KAZN: variants seen among roughly 807,000 people sequenced by gnomAD.
The protein encoded by KAZN is kazrin, periplakin interacting protein.
KAZN carries 40 observed loss-of-function variants against 87.4 expected under a neutral mutation model. The observed-to-expected ratio is 0.46, with a 90% CI of 0.36 to 0.60. The LOEUF (loss-of-function observed/expected upper bound fraction) is 0.60. Ranked by LOEUF, KAZN falls within the 20% of genes least tolerant of loss-of-function variation. The pLI, the probability that KAZN is intolerant of heterozygous loss-of-function variation, is 0.00. For missense variants in KAZN, 898 were observed against 1,073.9 expected (o/e 0.84, Z 2.29); for synonymous variants, 466 against 458.3 (o/e 1.02, Z -0.22).
At chr1:14,766,962 G>T (rs1419583574) in intron 1 of KAZN, among the ~76,000 whole-genome samples, 4 of 152,032 alleles carry the variant, frequency 2.6e-5, no homozygotes, top group African/African-American at 9.7e-5. Context: ...AATAAGGGCT[G>T]GAGGGACCAA....
intron 2 of KAZN, among the ~76,000 whole-genome samples, chr1:14,199,766 G>A (rs1365875749): frequency 6.6e-6 from 1 of 152,154 alleles, no homozygotes; most frequent in Non-Finnish European, 1.5e-5. Context: ...CAGAAATTAA[G>A]GCTTCTAATG....
intron 1 of KAZN, among the ~76,000 whole-genome samples, chr1:14,912,782 A>C (rs541209186): frequency 6.6e-6 from 1 of 152,292 alleles, no homozygotes; most frequent in South Asian, 2.1e-4. Context: ...AAATTTTTTT[A>C]CTGGAGTACT....
intron 5 of KAZN, among the ~76,000 whole-genome samples, chr1:15,059,758 AGGT>A (rs1192123753): frequency 6.6e-6 from 1 of 152,194 alleles, no homozygotes; most frequent in Non-Finnish European, 1.5e-5. Flanking sequence ...AGGAATGTCC[AGGT>A]GGTGGGAGCA....
At chr1:14,984,488 GTGGATTGGAGT>G (rs1437036033) in intron 2 of KAZN, among the ~76,000 whole-genome samples, 11 of 152,350 alleles carry the variant, frequency 7.2e-5, no homozygotes, top group African/African-American at 2.6e-4. Context: ...GGGGAAGGCG[GTGGATTGGAGT>G]TGGGGCCATC....
chr1:14,342,080 G>C (rs773747569), intron 2 of KAZN, among the ~76,000 whole-genome samples: 1 of 152,154 alleles, frequency 6.6e-6, no homozygotes, highest in African/African-American at 2.4e-5. Flanking sequence ...AGAACATGTG[G>C]TATTTGGTTT....
intron 1 of KAZN, among the ~76,000 whole-genome samples, chr1:14,080,060 A>G (rs1643612262): frequency 1.3e-5 from 2 of 150,900 alleles, no homozygotes; most frequent in African/African-American, 2.4e-5. Flanking sequence ...GTCTCAACAG[A>G]TGAATTTTGG....
intron 2 of KAZN, among the ~76,000 whole-genome samples, chr1:14,333,348 C>A (rs888711953): frequency 6.6e-6 from 1 of 152,166 alleles, no homozygotes; most frequent in South Asian, 2.1e-4. Flanking sequence ...AGTGAACATG[C>A]ATATACATGT....
chr1:14,207,111 G>A (rs757020041), intron 2 of KAZN, among the ~76,000 whole-genome samples: 31 of 151,874 alleles, frequency 2.0e-4, no homozygotes, highest in African/African-American at 7.5e-4. Flanking sequence ...TTACAGGCAC[G>A]TGGCATCATA....
chr1:14,421,050 A>C (rs1001419521), intron 2 of KAZN, among the ~76,000 whole-genome samples: 4 of 152,208 alleles, frequency 2.6e-5, no homozygotes, highest in Non-Finnish European at 4.4e-5. Flanking sequence ...AGGCGTGGAG[A>C]GCGAGAGAGG....
chr1:14,421,661 G>A (rs1451645641), intron 2 of KAZN, among the ~76,000 whole-genome samples: 2 of 152,100 alleles, frequency 1.3e-5, no homozygotes, highest in African/African-American at 2.4e-5. Flanking sequence ...AAAATTCTGG[G>A]TTAAATACTG....
intron 2 of KAZN, among the ~76,000 whole-genome samples, chr1:14,424,288 G>C (rs1373941550): frequency 6.6e-6 from 1 of 152,220 alleles, no homozygotes; most frequent in Non-Finnish European, 1.5e-5. Context: ...CACGTAAGTT[G>C]CTTCATTTAA....
intron 2 of KAZN, among the ~76,000 whole-genome samples, chr1:14,206,859 C>G (rs1646756819): frequency 6.6e-6 from 1 of 152,100 alleles, no homozygotes; most frequent in African/African-American, 2.4e-5. Flanking sequence ...ACCGAGCACT[C>G]AGGTTGCTTC....
intron 2 of KAZN, among the ~76,000 whole-genome samples, chr1:14,233,689 A>G (rs1214578018): frequency 6.6e-6 from 1 of 152,236 alleles, no homozygotes; most frequent in African/African-American, 2.4e-5. Context: ...ATGCAGGGAC[A>G]CTGATGCAAT....
intron 2 of KAZN, among the ~76,000 whole-genome samples, chr1:14,280,295 C>T (rs534965464): frequency 2.0e-5 from 3 of 147,078 alleles, no homozygotes; most frequent in African/African-American, 5.0e-5. Context: ...CACTTGAACC[C>T]GGGAGGCGGA....
chr1:14,639,811 G>A (rs989250636), intron 1 of KAZN, among the ~76,000 whole-genome samples: 3 of 152,152 alleles, frequency 2.0e-5, no homozygotes, highest in Non-Finnish European at 4.4e-5. Flanking sequence ...GCATGGAAGG[G>A]AGGTGCACAC....
intron 2 of KAZN, among the ~76,000 whole-genome samples, chr1:14,237,605 G>A (rs1468246888): frequency 1.3e-5 from 2 of 152,140 alleles, no homozygotes; most frequent in Non-Finnish European, 2.9e-5. Context: ...GAACGTGCTA[G>A]AGAAAATCAT....
chr1:14,799,173 C>A (rs952597725), intron 1 of KAZN, among the ~76,000 whole-genome samples: 1 of 152,174 alleles, frequency 6.6e-6, no homozygotes, highest in Non-Finnish European at 1.5e-5. Flanking sequence ...TTTGTTACTG[C>A]GGTATAACCT....
At chr1:13,909,908 A>G (rs1220409637) in intron 1 of KAZN, among the ~76,000 whole-genome samples, 1 of 152,184 alleles carries the variant, frequency 6.6e-6, no homozygotes, top group African/African-American at 2.4e-5. Context: ...GTTGAGGCTC[A>G]TGGAGGCCTC....
chr1:14,715,533 G>T (rs892684886), intron 1 of KAZN, among the ~76,000 whole-genome samples: 2 of 152,152 alleles, frequency 1.3e-5, no homozygotes, highest in African/African-American at 4.8e-5. Flanking sequence ...AAACCTCAGC[G>T]CTCCGAAAAC....
Sources: allele counts gnomAD v4.1 joint callset (sites outside exome capture counted in the v4.1 genomes callset), GRCh38; gene constraint gnomAD v4.1.1; transcripts MANE v1.5; gene names NCBI Gene and HGNC (gene_info 2026-07-23, HGNC 2026-07-21).